Variants in EYS observed in about 807,000 individuals in gnomAD.
EYS encodes protein eyes shut homolog.
EYS carries 250 observed loss-of-function variants against 282.1 expected under a neutral mutation model. The ratio of observed to expected loss-of-function variants is 0.89; its 90% CI spans 0.80 to 0.98. The LOEUF is 0.98. EYS is among the 50% of genes least tolerant of loss of function. EYS has a pLI of 0.00. For missense variants in EYS, 4,016 were observed against 3,709.0 expected (o/e 1.08, Z -2.15); for synonymous variants, 1,355 against 1,282.9 (o/e 1.06, Z -1.20).
chr6:65,263,237 A>C (rs182282903), intron 12 of EYS, among the ~76,000 whole-genome samples: 2 of 152,160 alleles, frequency 1.3e-5, no homozygotes, highest in Admixed American at 1.3e-4. Context: ...GCTACTCAGA[A>C]GGCTGAAGTG....
intron 32 of EYS, among the ~76,000 whole-genome samples, chr6:64,068,232 AT>A (rs995093627): frequency 6.6e-6 from 1 of 152,166 alleles, no homozygotes; most frequent in Admixed American, 6.6e-5. Flanking sequence ...AGTTGAACAT[AT>A]TCTCATGTTT....
intron 2 of EYS, among the ~76,000 whole-genome samples, chr6:65,579,796 T>G (rs141633903): frequency 1.3e-5 from 2 of 152,134 alleles, no homozygotes; most frequent in African/African-American, 4.8e-5. Context: ...TTGCAACATA[T>G]GAATTTTGAG....
Position 64,947,653 on chromosome 6 carries a change from CTTTTTTTTT to C in EYS, c.2260-1748_2260-1740del, listed in dbSNP as rs67440131. On this transcript the variant is annotated intron_variant, in intron 14 of 42. Transcript: ENST00000503581. ...ATTGGTTGCGTTTGGCTTATTTTTT[CTTTTTTTTT>C]TTTTTTGTAAACATTAAAAGAGGAC... is the stretch of plus-strand genomic sequence containing the variant. Among the ~76,000 whole-genome samples, 10 of 129,322 alleles carry C rather than the reference CTTTTTTTTT, an allele frequency of 7.7e-5. No individual in the cohort carries two copies. The South Asian group carries it at 2.4e-3, about 32-fold the overall frequency. The allele number at this position is 129,322 out of a possible 152,430, so 84.8% of individuals were successfully genotyped here.
chr6:64,347,855 C>T (rs1771468396), intron 29 of EYS, among the ~76,000 whole-genome samples: 1 of 151,350 alleles, frequency 6.6e-6, no homozygotes, highest in Non-Finnish European at 1.5e-5. Context: ...CCTTCACTCT[C>T]ACCTTGTAAA....
intron 12 of EYS, among the ~76,000 whole-genome samples, chr6:65,231,234 G>A (rs1264815506): frequency 6.9e-6 from 1 of 145,444 alleles, no homozygotes; most frequent in Non-Finnish European, 1.5e-5. Flanking sequence ...CTGAATTTCT[G>A]TTGCTTTTTA....
intron 30 of EYS, among the ~76,000 whole-genome samples, chr6:64,236,473 C>T (rs556770734): frequency 2.0e-5 from 3 of 152,202 alleles, no homozygotes; most frequent in Admixed American, 6.5e-5. Flanking sequence ...ATATATTCTA[C>T]GTTGAACATT....
intron 2 of EYS, among the ~76,000 whole-genome samples, chr6:65,604,844 T>TG (rs1491026006): frequency 5.1e-5 from 4 of 77,978 alleles, no homozygotes; most frequent in Admixed American, 1.6e-4. Flanking sequence ...ACTGCCCCCT[T>TG]TTTTTTTTTT....
chr6:63,746,226 T>C (rs941350879), intron 41 of EYS, among the ~76,000 whole-genome samples: 1 of 152,184 alleles, frequency 6.6e-6, no homozygotes. Context: ...ATGGATTATG[T>C]TTATTGATTT....
At chr6:64,112,809 C>A (rs530784419) in intron 31 of EYS, among the ~76,000 whole-genome samples, 1 of 149,174 alleles carries the variant, frequency 6.7e-6, no homozygotes, top group Non-Finnish European at 1.5e-5. Context: ...ATATATCTCT[C>A]TATATATATC....
At chr6:65,556,547 C>G (rs923705398) in intron 2 of EYS, among the ~76,000 whole-genome samples, 1 of 152,066 alleles carries the variant, frequency 6.6e-6, no homozygotes, top group African/African-American at 2.4e-5. Flanking sequence ...GAGAAAGAAT[C>G]TTGAGGAAGA....
intron 35 of EYS, among the ~76,000 whole-genome samples, chr6:63,972,657 G>A (rs932191376): frequency 6.6e-5 from 10 of 151,858 alleles, no homozygotes; most frequent in African/African-American, 1.5e-4. Context: ...CATCATCTAC[G>A]TCATGTATTT....
chr6:63,916,381 A>T (rs1309523563), intron 35 of EYS, among the ~76,000 whole-genome samples: 1 of 152,210 alleles, frequency 6.6e-6, no homozygotes, highest in Non-Finnish European at 1.5e-5. Context: ...CTTAACTGTT[A>T]TTGTCTATAA....
intron 31 of EYS, among the ~76,000 whole-genome samples, chr6:64,107,612 G>A (rs367878546): frequency 6.6e-6 from 1 of 151,902 alleles, no homozygotes; most frequent in South Asian, 2.1e-4. Context: ...ATCTCCTTTG[G>A]CAGCACCTTC....
chr6:65,350,034 G>A (rs956021593), intron 9 of EYS, among the ~76,000 whole-genome samples: 1 of 151,184 alleles, frequency 6.6e-6, no homozygotes, highest in Non-Finnish European at 1.5e-5. Context: ...TCTAATTAGT[G>A]ACTTAATTAA....
intron 12 of EYS, among the ~76,000 whole-genome samples, chr6:65,245,363 T>C (rs1467792836): frequency 6.6e-6 from 1 of 152,218 alleles, no homozygotes; most frequent in Non-Finnish European, 1.5e-5. Flanking sequence ...TTTTTATTTA[T>C]CTATGCTTCA....
intron 33 of EYS, among the ~76,000 whole-genome samples, chr6:64,061,407 G>T (rs1294095537): frequency 6.6e-6 from 1 of 152,166 alleles, no homozygotes; most frequent in Non-Finnish European, 1.5e-5. Flanking sequence ...AAAATTCGCT[G>T]AAATGAAAGA....
At chr6:63,738,781 A>T (rs1160956691) in intron 41 of EYS, among the ~76,000 whole-genome samples, 1 of 152,156 alleles carries the variant, frequency 6.6e-6, no homozygotes, top group African/African-American at 2.4e-5. Context: ...CATAAAAAAA[A>T]TTCTCCATTT....
At chr6:65,541,640 A>C (rs1169515575) in intron 2 of EYS, among the ~76,000 whole-genome samples, 1 of 150,210 alleles carries the variant, frequency 6.7e-6, no homozygotes, top group African/African-American at 2.4e-5. Context: ...TAATCACTAG[A>C]TGCATAACAT....
chr6:64,511,242 T>TATATATGTGATATATATATCATATGTATC (rs1777386768), intron 26 of EYS, among the ~76,000 whole-genome samples: 1 of 138,396 alleles, frequency 7.2e-6, no homozygotes. Context: ...ATATATCATA[T>TATATATGTGATATATATATCATATGTATC]ATATATATGA....
Sources: allele counts gnomAD v4.1 joint callset (sites outside exome capture counted in the v4.1 genomes callset), GRCh38; gene constraint gnomAD v4.1.1; transcripts MANE v1.5; gene names NCBI Gene and HGNC (gene_info 2026-07-23, HGNC 2026-07-21).